Variants in RHBDF1 observed in about 807,000 individuals in gnomAD.
RHBDF1 encodes inactive rhomboid protein 1.
RHBDF1 carries 80 observed loss-of-function variants against 98.6 expected under a neutral mutation model. That is an observed-to-expected ratio of 0.81 (90% CI 0.68 to 0.98). The LOEUF (loss-of-function observed/expected upper bound fraction) is 0.98. Among genes scored for constraint, RHBDF1 ranks in the 50% least tolerant of loss-of-function variants. The probability of loss-of-function intolerance (pLI) is 0.00; values close to 1 mark genes in which losing one functional copy is unlikely to be tolerated. For synonymous variants in RHBDF1, 512 were observed against 486.8 expected (o/e 1.05, Z -0.68); for missense variants, 1,116 against 1,198.3 (o/e 0.93, Z 1.01).
chr16:60,796 A>G, intron 11 of RHBDF1: 1 of 567,460 alleles, frequency 1.8e-6, no homozygotes, highest in Non-Finnish European at 3.1e-6. Flanking sequence ...CTTCCACATA[A>G]GATGATGTGA....
rs539820234 is a variant in RHBDF1 at position 61,789 on chromosome 16, C to T, written c.1208+9G>A. On this transcript the variant is annotated intron_variant, in intron 8 of 17. Transcript: ENST00000262316. ...CCATCCCAACCCAGGCCTTGCCTGCCACGCCTACCTGTGGTCGTCCATGTC... is the reference window on the plus strand; with the variant it reads ...CCATCCCAACCCAGGCCTTGCCTGCTACGCCTACCTGTGGTCGTCCATGTC... 1 of 1,612,578 alleles carries T rather than the reference C, an allele frequency of 6.2e-7. No homozygotes were observed.
chr16:63,612 C>T lies in RHBDF1; in HGVS notation c.437G>A (p.Gly146Glu), dbSNP rs766135835. The change falls in exon 4 of 18, where the codon GGG becomes GAG. Residue 146 changes from glycine to glutamate, a missense_variant. Transcript: ENST00000262316. ...STETPPPLYV[G>E]PCQLGMQKII... ...CTTCTGCATGCCCAGCTGGCATGGCCCCACGTAGAGTGGGGGTGGCGTCTC... is the reference window on the plus strand; with the variant it reads ...CTTCTGCATGCCCAGCTGGCATGGCTCCACGTAGAGTGGGGGTGGCGTCTC... 1.3e-6 allele frequency: 2 copies of T among 1,576,414 alleles called. No individual in the cohort carries two copies. Among genetic ancestry groups the T allele is most frequent in the Non-Finnish European group, 1.7e-6 (2 of 1,161,336 alleles).
chr16:64,477 A>G, intron 3 of RHBDF1: 2 of 1,518,268 alleles, frequency 1.3e-6, no homozygotes, highest in Non-Finnish European at 8.9e-7. Flanking sequence ...GGAGACAGAG[A>G]AGGAGAGAGT....
intron 3 of RHBDF1, 193 bp from the exon 4 acceptor site, chr16:63,993 G>C (rs189714732): frequency 4.5e-5 from 33 of 733,506 alleles, no homozygotes; most frequent in African/African-American, 3.8e-4. Context: ...CCAACTCCAA[G>C]TTTCCACTAG....
chr16:62,864 C>T lies in RHBDF1; in HGVS notation c.706G>A (p.Ala236Thr). The change falls in exon 6 of 18, where the codon GCA becomes ACA. Residue 236 changes from alanine (A) to threonine (T), a missense_variant. By Grantham distance (58) the Ala-to-Thr change is moderately conservative. Coordinates refer to ENST00000262316, the MANE Select transcript of RHBDF1 (RefSeq NM_022450.5). ...RSVRDGTFRR[A>T]QRRSFTPASF... ...GCTGGAGTGAAGCTTCGACGCTGTG[C>T]CCGGCGAAAGGTGCCATCCCTAACG... The T allele has an allele frequency of 1.2e-6, 2 of 1,613,916 alleles. No homozygotes were observed. The highest frequency in any genetic ancestry group is 1.7e-6 in the Non-Finnish European group (2 of 1,179,972).
upstream of RHBDF1, among the ~76,000 whole-genome samples, chr16:73,290 C>T (rs1898024976): frequency 1.3e-5 from 2 of 152,178 alleles, no homozygotes; most frequent in African/African-American, 4.8e-5. Context: ...TTACCCCTCC[C>T]CCTGCCCTGT....
intron 1 of RHBDF1, among the ~76,000 whole-genome samples, chr16:69,634 G>C (rs953300810): frequency 1.3e-5 from 2 of 152,100 alleles, no homozygotes; most frequent in African/African-American, 4.8e-5. Context: ...AGGTCTTCTG[G>C]ATTAATGAAG....
Position 61,910 on chromosome 16 carries a change from G to T in RHBDF1, c.1096C>A (p.Arg366=), listed in dbSNP as rs766634557. 1.2e-6 allele frequency: 2 copies of T among 1,604,254 alleles called. No individual in the cohort carries two copies. The highest frequency in any genetic ancestry group is 4.5e-5 in the East Asian group (2 of 44,834). Residue 366 remains arginine (R), a synonymous_variant, in exon 8 of 18, where the codon CGG becomes AGG. Transcript: ENST00000262316. Reference sequence around the variant, plus strand: ...CCCAGCCCATACGGCCGCTTCTCCCGGGCGAAGAGCTTGCGCACCGGCACC... The same window carrying T: ...CCCAGCCCATACGGCCGCTTCTCCCTGGCGAAGAGCTTGCGCACCGGCACC... ...IAVPVRKLFA[R]EKRPYGLGMV... is the part of the protein sequence containing the mutation.
chr16:69,702 T>A (rs918711171), intron 1 of RHBDF1, among the ~76,000 whole-genome samples: 1 of 152,134 alleles, frequency 6.6e-6, no homozygotes, highest in Non-Finnish European at 1.5e-5. Flanking sequence ...GAGAATGATA[T>A]TTGCTAGGCC....
intron 7 of RHBDF1, chr16:62,337 C>G (rs1897664772): frequency 2.6e-6 from 2 of 783,146 alleles, no homozygotes; most frequent in African/African-American, 1.8e-5. Flanking sequence ...GATTGCTGTC[C>G]CATTCCACAG....
rs1898007331 is a variant in RHBDF1 at position 72,598 on chromosome 16, C to CCCGCCCGCCGGTCCG, written c.-111_-110insCGGACCGGCGGGCGG. On this transcript the variant is annotated 5_prime_UTR_variant, in exon 1 of 18. Coordinates refer to ENST00000262316, the MANE Select transcript of RHBDF1 (RefSeq NM_022450.5). ...GCCGGGAGGGCCCGCGCCGAGTCCC[C>CCCGCCCGCCGGTCCG]GCCCGCCCGCCGGTCCGGCCCGCCC... 1 of 976,042 alleles carries CCCGCCCGCCGGTCCG rather than the reference C, an allele frequency of 1.0e-6. No individual in the cohort carries two copies. Among genetic ancestry groups the CCCGCCCGCCGGTCCG allele is most frequent in the Non-Finnish European group, 1.2e-6 (1 of 824,092 alleles). 60.5% of individuals were successfully genotyped at this position (976,042 alleles called of 1,614,324 possible). A position where few individuals can be genotyped will look rare whatever the true frequency, so the allele number is the denominator to read the frequency against.
Position 59,990 on chromosome 16 carries a change from A to G in RHBDF1, c.1723-164T>C, listed in dbSNP as rs187212556. ...CACACTGAGTCTCTATCAAACTGGA[A>G]TAATGTCACTTGACCTTTCAAGTCT... On this transcript the variant is annotated intron_variant, in intron 13 of 17. Coordinates refer to ENST00000262316, the MANE Select transcript of RHBDF1 (RefSeq NM_022450.5). 1.8e-4 allele frequency: 266 copies of G among 1,480,616 alleles called. No individual in the cohort carries two copies. The East Asian group carries it at 6.3e-3, about 35-fold the overall frequency. The allele number at this position is 1,480,616 out of a possible 1,614,324, so 91.7% of individuals were successfully genotyped here. A position where few individuals can be genotyped will look rare whatever the true frequency, so the allele number is the denominator to read the frequency against.
At chr16:63,875 G>A (rs763409965) in intron 3 of RHBDF1, 75 bp from the exon 4 acceptor site, 98 of 1,186,702 alleles carry the variant, frequency 8.3e-5, no homozygotes, top group Non-Finnish European at 9.6e-5. Flanking sequence ...GCCCTCCTCC[G>A]GGGCAGCATG....
Position 61,405 on chromosome 16 carries a change from A to G in RHBDF1, c.1375T>C (p.Phe459Leu). Residue 459 changes from phenylalanine (F) to leucine (L), a missense_variant, in exon 10 of 18, where the codon TTC (phenylalanine) becomes CTC (leucine). Coordinates refer to ENST00000262316, the MANE Select transcript of RHBDF1 (RefSeq NM_022450.5). ...CTCACCGAGCTGGGCCCGATCCAGA[A>G]GTTCTCCTGCTGCACGTACTTGACG... The part of the protein sequence containing the change: ...ENVKYVQQEN[F>L]WIGPSSEALI... The G allele has an allele frequency of 6.2e-7, 1 of 1,612,024 alleles. No individual in the cohort carries two copies. The highest frequency in any genetic ancestry group is 1.1e-5 in the South Asian group (1 of 91,014).
At chr16:71,689 T>G (rs1039973300) in intron 1 of RHBDF1, among the ~76,000 whole-genome samples, 1 of 151,524 alleles carries the variant, frequency 6.6e-6, no homozygotes, top group East Asian at 1.9e-4. Context: ...CAGAAGAAAC[T>G]CTGGTCAGGA....
At chr16:60,338 C>T (rs1897562757) in intron 12 of RHBDF1, 59 bp from the exon 13 acceptor site, 1 of 1,608,638 alleles carries the variant, frequency 6.2e-7, no homozygotes, top group African/African-American at 1.3e-5. Flanking sequence ...GGCACCCTTC[C>T]AGCCAAGTCG....
intron 1 of RHBDF1, among the ~76,000 whole-genome samples, chr16:66,044 A>G (rs765943316): frequency 7.9e-5 from 12 of 151,906 alleles, no homozygotes; most frequent in Middle Eastern, 3.2e-3. Context: ...TCCCCCTTAC[A>G]CCTTCCTGGC....
intron 11 of RHBDF1, 32 bp downstream of exon 11, chr16:61,088 C>T (rs1567113279): frequency 1.3e-6 from 2 of 1,512,740 alleles, no homozygotes; most frequent in South Asian, 1.2e-5. Flanking sequence ...ACCGGGCAGA[C>T]GAAGGCGGGA....
chr16:74,335 G>A (rs1356709074), upstream of RHBDF1, among the ~76,000 whole-genome samples: 1 of 152,242 alleles, frequency 6.6e-6, no homozygotes, highest in Non-Finnish European at 1.5e-5. Flanking sequence ...TGGGGACTGG[G>A]CTTGCCTCCA....
Sources: allele counts gnomAD v4.1 joint callset (sites outside exome capture counted in the v4.1 genomes callset), GRCh38; gene constraint gnomAD v4.1.1; transcripts MANE v1.5; gene names NCBI Gene and HGNC (gene_info 2026-07-23, HGNC 2026-07-21).